PIEZO1: variants seen among roughly 807,000 people sequenced by gnomAD.
PIEZO1 encodes the protein piezo-type mechanosensitive ion channel component 1.
A neutral mutation model predicts 297.2 loss-of-function variants in PIEZO1; 296 were observed. The observed-to-expected ratio is 1.00, with a 90% CI of 0.91 to 1.10. PIEZO1 has a LOEUF of 1.10. PIEZO1 is among the 50% of genes least tolerant of loss of function. The probability of loss-of-function intolerance (pLI) is 0.00; values close to 1 mark genes in which losing one functional copy is unlikely to be tolerated. For missense variants in PIEZO1, 5,018 were observed against 3,455.5 expected (o/e 1.45, Z -11.34); for synonymous variants, 2,427 against 1,507.5 (o/e 1.61, Z -14.13).
intron 2 of PIEZO1, chr16:88,743,933 C>T (rs1905867555): frequency 3.4e-6 from 1 of 294,882 alleles, no homozygotes; most frequent in South Asian, 2.8e-5. Flanking sequence ...GGAAGGGAGG[C>T]TGCAGCCCCG....
chr16:88,741,468 C>G lies in PIEZO1; in HGVS notation c.465+10G>C. 1.3e-6 allele frequency: 2 copies of G among 1,531,848 alleles called. No individual in the cohort carries two copies. Among genetic ancestry groups the G allele is most frequent in the Non-Finnish European group, 1.7e-6 (2 of 1,144,338 alleles). 94.9% of individuals were successfully genotyped at this position (1,531,848 alleles called of 1,614,324 possible). A position where few individuals can be genotyped will look rare whatever the true frequency, so the allele number is the denominator to read the frequency against. On this transcript the variant is annotated intron_variant, in intron 5 of 50. Coordinates refer to ENST00000301015, the MANE Select transcript of PIEZO1 (RefSeq NM_001142864.4). The stretch of plus-strand genomic sequence containing the variant: ...CCTCCCTGACACACGGGTGACGCAG[C>G]TGCCCTCACCAGCTCCCGTGGATGT...
At chr16:88,725,101 C>A in intron 29 of PIEZO1, 21 bp from the exon 30 acceptor site, 1 of 1,491,204 alleles carries the variant, frequency 6.7e-7, no homozygotes, top group Non-Finnish European at 8.9e-7. Context: ...GCAGGGTGAG[C>A]ATGAGGCAGC....
intron 1 of PIEZO1, among the ~76,000 whole-genome samples, chr16:88,759,914 C>G (rs1394464617): frequency 6.6e-6 from 1 of 152,150 alleles, no homozygotes; most frequent in East Asian, 1.9e-4. Flanking sequence ...TGGGGGGCTC[C>G]CCCAATGGAG....
intron 1 of PIEZO1, among the ~76,000 whole-genome samples, chr16:88,783,523 G>GA (rs1161360125): frequency 6.6e-6 from 1 of 152,220 alleles, no homozygotes; most frequent in African/African-American, 2.4e-5. Context: ...GGACGTTTCA[G>GA]AAGCTTTCCT....
In PIEZO1 at chr16:88,725,615, G is replaced by C; in HGVS notation, c.4038C>G (p.Ser1346=). 1 of 1,549,184 alleles carries C rather than the reference G, an allele frequency of 6.5e-7. No homozygotes were observed. Among genetic ancestry groups the C allele is most frequent in the Admixed American group, 2.0e-5 (1 of 50,992 alleles). ...IDFHRRIEEK[S]LAQLKRQMER... ...CCTACTGTCTTTTCAGCTGGGCCAG[G>C]GACTTCTCCTCTATCCTGCGGTGAA... Residue 1346 remains serine (S), a synonymous_variant, in exon 28 of 51, where the codon TCC becomes TCG. Coordinates refer to ENST00000301015, the MANE Select transcript of PIEZO1 (RefSeq NM_001142864.4).
intron 1 of PIEZO1, among the ~76,000 whole-genome samples, chr16:88,767,711 T>G (rs1907239937): frequency 1.3e-5 from 2 of 152,168 alleles, no homozygotes; most frequent in South Asian, 4.2e-4. Context: ...GGTCACAGGG[T>G]GAGGCCACCC....
intron 29 of PIEZO1, 105 bp from the exon 30 acceptor site, chr16:88,725,185 G>C (rs2142779660): frequency 2.4e-6 from 2 of 817,122 alleles, no homozygotes; most frequent in East Asian, 3.0e-5. Context: ...GACAGACACG[G>C]ACACCCACAG....
Position 88,717,142 on chromosome 16 carries a change from G to C in PIEZO1, c.6541C>G (p.Leu2181Val). ...VKYGMGGLII[L>V]FLIAIIWFPL... ...AACCAGATGATGGCGATGAGGAAGA[G>C]GATGATGAGGCCACCCATGCCGTAC... Residue 2181 changes from leucine (L) to valine (V), a missense_variant, in exon 45 of 51, where the codon CTC (leucine) becomes GTC (valine). Physicochemically the swap from Leu to Val is conservative, Grantham distance 32. Transcript: ENST00000301015. 7 of 1,551,334 alleles carry C rather than the reference G, an allele frequency of 4.5e-6. No individual in the cohort carries two copies. Among genetic ancestry groups the C allele is most frequent in the Non-Finnish European group, 6.1e-6 (7 of 1,147,194 alleles).
At chr16:88,733,100 G>C (rs143260765) in intron 19 of PIEZO1, 178 bp downstream of exon 19, 3 of 629,616 alleles carry the variant, frequency 4.8e-6, no homozygotes, top group Non-Finnish European at 8.2e-6. Context: ...TGCGCCCCTG[G>C]TCCACAGTTG....
chr16:88,771,928 C>T (rs1474598629), intron 1 of PIEZO1, among the ~76,000 whole-genome samples: 1 of 43,126 alleles, frequency 2.3e-5, no homozygotes, highest in Non-Finnish European at 4.1e-5. Context: ...CCCGTCCACC[C>T]GCGGCCCCAG....
chr16:88,741,692 G>A (rs1905674696), intron 4 of PIEZO1, 76 bp from the exon 5 acceptor site: 2 of 1,281,284 alleles, frequency 1.6e-6, no homozygotes, highest in South Asian at 1.4e-5. Flanking sequence ...GTCTCCAGGT[G>A]CGGGTGGGAG....
At chr16:88,781,139 C>T (rs61459102) in intron 1 of PIEZO1, among the ~76,000 whole-genome samples, 11 of 152,244 alleles carry the variant, frequency 7.2e-5, no homozygotes, top group Admixed American at 3.3e-4. Flanking sequence ...TGGGCTGCAG[C>T]GGGCAGATGA....
In PIEZO1 at chr16:88,731,917, A is replaced by AGGGCGGGGTGT. The variant is rs1904844362; in HGVS notation, c.2992-8_2992-7insACACCCCGCCC. ...CGGCCATCAGGAAGCAGATCTGGGGAGGGGAGAGGGCGGGGTGTGGGGATG... is the reference window on the plus strand; with the variant it reads ...CGGCCATCAGGAAGCAGATCTGGGGAGGGCGGGGTGTGGGGAGAGGGCGGGGTGTGGGGATG... On this transcript the variant is annotated splice_region_variant and splice_polypyrimidine_tract_variant and intron_variant, in intron 21 of 50. Transcript: ENST00000301015. 1.3e-5 allele frequency: 3 copies of AGGGCGGGGTGT among 222,260 alleles called. No homozygotes were observed. The highest frequency in any genetic ancestry group is 1.6e-4 in the African/African-American group (1 of 6,200). The allele number at this position is 222,260 out of a possible 1,614,324, so 13.8% of individuals were successfully genotyped here.
chr16:88,722,231 G>A lies in PIEZO1; in HGVS notation c.4942C>T (p.Leu1648=), dbSNP rs1237074556. The part of the protein sequence containing the change: ...YQGLMRTASE[L]LLDRRLRIPE... ...TCCCGCCCCCACCTGTCCAGGAGCA[G>A]CTCGCTGGCCGTCCGCATCAGTCCC... The change falls in exon 36 of 51, where the codon CTG becomes TTG. Residue 1648 remains leucine (L), a synonymous_variant. Coordinates refer to ENST00000301015, the MANE Select transcript of PIEZO1 (RefSeq NM_001142864.4). The A allele has an allele frequency of 6.5e-7, 1 of 1,546,890 alleles. No homozygotes were observed. Among genetic ancestry groups the A allele is most frequent in the Non-Finnish European group, 8.7e-7 (1 of 1,146,770 alleles).
rs183680497 is a variant in PIEZO1 at position 88,753,921 on chromosome 16, C to T, written c.65-4442G>A. Among the ~76,000 whole-genome samples the T allele has an allele frequency of 3.9e-5, 6 of 152,310 alleles. No individual in the cohort carries two copies. The East Asian group carries it at 5.8e-4, about 15-fold the overall frequency. On this transcript the variant is annotated intron_variant, in intron 1 of 50. Coordinates refer to ENST00000301015, the MANE Select transcript of PIEZO1 (RefSeq NM_001142864.4). ...GGAAGAAATTCAGCCAAAGGGGAGG[C>T]GGGGCCTGAGACAATCCAAGGAGCG...
intron 15 of PIEZO1, 55 bp downstream of exon 15, chr16:88,734,595 G>A (rs751288031): frequency 2.2e-4 from 340 of 1,547,624 alleles, no homozygotes; most frequent in Non-Finnish European, 2.8e-4. Flanking sequence ...CTGCAGCCCC[G>A]GGGAAGTGCA....
Position 88,722,342 on chromosome 16 carries a change from G to T in PIEZO1, c.4831C>A (p.Leu1611Met). 1 of 1,539,758 alleles carries T rather than the reference G, an allele frequency of 6.5e-7. No homozygotes were observed. Among genetic ancestry groups the T allele is most frequent in the African/African-American group, 1.4e-5 (1 of 72,972 alleles). Residue 1611 changes from leucine to methionine, a missense_variant, in exon 36 of 51, where the codon CTG (leucine) becomes ATG (methionine). Leu to Met is a conservative substitution (Grantham distance 15). Transcript: ENST00000301015. ...CTGCGCGTGTGGTAGCCGGTGCTCAGGGGGCTGCCCATGTCGTCTGTCATG... is the reference window on the plus strand; with the variant it reads ...CTGCGCGTGTGGTAGCCGGTGCTCATGGGGCTGCCCATGTCGTCTGTCATG... ...SSMTDDMGSP[L>M]STGYHTRSGS...
intron 1 of PIEZO1, among the ~76,000 whole-genome samples, chr16:88,773,069 C>T (rs115644105): frequency 0.022 from 3,304 of 152,338 alleles, 137 homozygotes; most frequent in African/African-American, 0.076. Flanking sequence ...CCAGGGAGCT[C>T]GAGCTCGCTG....
chr16:88,758,841 G>A (rs139369785), intron 1 of PIEZO1, among the ~76,000 whole-genome samples: 1 of 152,318 alleles, frequency 6.6e-6, no homozygotes, highest in East Asian at 1.9e-4. Context: ...CTGACACATA[G>A]CATGAGAGAG....
Sources: gnomAD v4.1 joint callset for allele counts (sites outside exome capture counted in the v4.1 genomes callset) on GRCh38, gnomAD v4.1.1 for gene constraint, MANE v1.5 for transcripts, NCBI Gene and HGNC (gene_info 2026-07-23, HGNC 2026-07-21) for gene names.